The following KDR variants were observed in gnomAD, a reference collection of about 807,000 sequenced individuals.
The protein encoded by KDR is kinase insert domain receptor.
A neutral mutation model predicts 160.9 loss-of-function variants in KDR; 43 were observed. The observed-to-expected ratio is 0.27, with a 90% CI of 0.21 to 0.34. The LOEUF (loss-of-function observed/expected upper bound fraction) is 0.34, where lower values mean the gene tolerates loss of function less well. KDR is among the 10% of genes least tolerant of loss of function. KDR has a pLI of 1.00. For synonymous variants in KDR, 617 were observed against 600.1 expected, an observed-to-expected ratio of 1.03 and a Z score of -0.41; for missense variants, 1,469 against 1,666.4, an observed-to-expected ratio of 0.88 and a Z score of 2.06.
At chr4:55,106,666 A>T (rs1235558182) in intron 11 of KDR, 21 bp downstream of exon 11, 6 of 1,504,726 alleles carry the variant, frequency 4.0e-6, no homozygotes, top group Non-Finnish European at 5.5e-6. Context: ...AGATTTTCAA[A>T]TTTTAAAACT....
chr4:55,123,300 A>T (rs1720942534), intron 1 of KDR, among the ~76,000 whole-genome samples: 2 of 152,194 alleles, frequency 1.3e-5, no homozygotes, highest in African/African-American at 4.8e-5. Context: ...AATGAGAAAA[A>T]AACCATTATT....
At chr4:55,118,979 C>A (rs920276994) in intron 2 of KDR, among the ~76,000 whole-genome samples, 179 bp from the exon 3 acceptor site, 3 of 152,156 alleles carry the variant, frequency 2.0e-5, no homozygotes, top group African/African-American at 4.8e-5. Context: ...GAGGCCAAGG[C>A]GGATGGATCA....
At chr4:55,117,044 C>A (rs1578139719) in intron 3 of KDR, among the ~76,000 whole-genome samples, 1 of 152,300 alleles carries the variant, frequency 6.6e-6, no homozygotes, top group East Asian at 1.9e-4. Context: ...TATTGCCTAC[C>A]TTTCATCCAC....
At chr4:55,086,706 C>A (rs1408063022) in intron 27 of KDR, among the ~76,000 whole-genome samples, 36 of 152,190 alleles carry the variant, frequency 2.4e-4, no homozygotes. Flanking sequence ...CCCCACACGA[C>A]TCTAGAGGGC....
At chr4:55,112,241 AC>A (rs1330113495) in intron 7 of KDR, among the ~76,000 whole-genome samples, 4 of 151,708 alleles carry the variant, frequency 2.6e-5, no homozygotes, top group East Asian at 3.9e-4. Flanking sequence ...CAGCAAAACC[AC>A]CCCCTCCTCT....
Position 55,079,763 on chromosome 4 carries a change from A to C in KDR, c.*178T>G, listed in dbSNP as rs1184983374. 1.5e-6 allele frequency: 1 copy of C among 652,022 alleles called. No homozygotes were observed. The highest frequency in any genetic ancestry group is 2.8e-6 in the Non-Finnish European group (1 of 362,130). 40.4% of individuals were successfully genotyped at this position (652,022 alleles called of 1,614,324 possible). On this transcript the variant is annotated 3_prime_UTR_variant, in exon 30 of 30. Transcript: ENST00000263923. ...GAAGACACAGACACATTCTTGGGTC[A>C]CAAGCCTCTTCCAGGATATGCCTAG...
chr4:55,098,352 G>T, intron 16 of KDR, 80 bp from the exon 17 acceptor site: 1 of 1,505,902 alleles, frequency 6.6e-7, no homozygotes, highest in Non-Finnish European at 9.2e-7. Flanking sequence ...GCTGTTTATT[G>T]GAGCCTCATT....
At chr4:55,091,041 C>T (rs139275368) in intron 22 of KDR, among the ~76,000 whole-genome samples, 1 of 151,936 alleles carries the variant, frequency 6.6e-6, no homozygotes, top group African/African-American at 2.4e-5. Context: ...TTAGTAGAGA[C>T]GGGGTTTCAC....
rs1284032233 is a variant in KDR, at chr4:55,090,393, T to C, written c.3070-315A>G. On this transcript the variant is annotated intron_variant, in intron 22 of 29. Coordinates refer to ENST00000263923, the MANE Select transcript of KDR (RefSeq NM_002253.4). ...GTCACATCCACACATTCCTTTTACC[T>C]GGCCCCATATTTGGTTTAAAACGTG... Among the ~76,000 whole-genome samples, 7 of 152,332 alleles carry C rather than the reference T, an allele frequency of 4.6e-5. No individual in the cohort carries two copies. In the East Asian group the frequency reaches 1.3e-3, roughly 29 times the overall value.
chr4:55,104,477 C>T (rs1376296003), intron 13 of KDR, 166 bp downstream of exon 13: 1 of 670,420 alleles, frequency 1.5e-6, no homozygotes, highest in Non-Finnish European at 2.7e-6. Context: ...TATATCATTT[C>T]ATTATTATTA....
chr4:55,102,320 G>A, intron 14 of KDR, 42 bp downstream of exon 14: 1 of 1,599,050 alleles, frequency 6.3e-7, no homozygotes, highest in East Asian at 2.2e-5. Flanking sequence ...ACATCCCTGG[G>A]AAAGTTCTGC....
Position 55,112,822 on chromosome 4 carries a change from G to A in KDR, c.976+482C>T, listed in dbSNP as rs146162457. Among the ~76,000 whole-genome samples the A allele has an allele frequency of 3.6e-3, 551 of 152,106 alleles. 5 individuals are homozygous for A. The highest frequency in any genetic ancestry group is 0.017 in the Middle Eastern group (5 of 294). ...TGGGATTACAGGCGTGAGCCACCGC[G>A]CCCGGCCTATACATGGATTTTTGAC... On this transcript the variant is annotated intron_variant, in intron 7 of 29. Transcript: ENST00000263923.
chr4:55,116,824 AGGGAAGTAAGGTGGCGACCAGAG>A (rs764229997), intron 3 of KDR, among the ~76,000 whole-genome samples: 2 of 152,184 alleles, frequency 1.3e-5, no homozygotes, highest in Non-Finnish European at 2.9e-5. Flanking sequence ...TCAGAAGACT[AGGGAAGTAAGGTGGCGACCAGAG>A]GGGACATTAA....
Position 55,125,398 on chromosome 4 carries a change from C to A in KDR, c.-105G>T. The A allele has an allele frequency of 1.4e-6, 2 of 1,386,752 alleles. No individual in the cohort carries two copies. Among genetic ancestry groups the A allele is most frequent in the Non-Finnish European group, 2.0e-6 (2 of 1,009,588 alleles). The allele number at this position is 1,386,752 out of a possible 1,614,324, so 85.9% of individuals were successfully genotyped here. A position where few individuals can be genotyped will look rare whatever the true frequency, so the allele number is the denominator to read the frequency against. On this transcript the variant is annotated 5_prime_UTR_variant, in exon 1 of 30. Transcript: ENST00000263923. ...CGGAGGTGGAACTCGCGGCACCCCGCAGCGCAGGACAGTTGAGCGCACAGG... is the reference window on the plus strand; with the variant it reads ...CGGAGGTGGAACTCGCGGCACCCCGAAGCGCAGGACAGTTGAGCGCACAGG...
intron 17 of KDR, 102 bp from the exon 18 acceptor site, chr4:55,097,868 A>T: frequency 1.1e-6 from 1 of 891,702 alleles, no homozygotes; most frequent in East Asian, 2.5e-5. Context: ...ATACATCCCA[A>T]TTTAACATGG....
In KDR at chr4:55,121,261, C is replaced by T. The variant is rs911337814; in HGVS notation, c.68-71G>A. ...CCTAATAGGAAACACCTTCCATAAACAATGCATACTCTATACTTTAAAAGG... is the reference window on the plus strand; with the variant it reads ...CCTAATAGGAAACACCTTCCATAAATAATGCATACTCTATACTTTAAAAGG... On this transcript the variant is annotated intron_variant, in intron 1 of 29. Coordinates refer to ENST00000263923, the MANE Select transcript of KDR (RefSeq NM_002253.4). 2.9e-5 allele frequency: 29 copies of T among 1,014,764 alleles called. 2 individuals carry two copies. Among genetic ancestry groups the T allele is most frequent in the South Asian group, 2.5e-4 (20 of 78,592 alleles). The allele number at this position is 1,014,764 out of a possible 1,614,324, so 62.9% of individuals were successfully genotyped here.
intron 27 of KDR, among the ~76,000 whole-genome samples, chr4:55,085,470 G>C (rs975052511): frequency 7.2e-5 from 11 of 152,210 alleles, no homozygotes; most frequent in African/African-American, 2.7e-4. Flanking sequence ...AAATGCGTAA[G>C]AGGATAGAAC....
intron 27 of KDR, among the ~76,000 whole-genome samples, chr4:55,084,423 T>C (rs1199118449): frequency 1.3e-5 from 2 of 152,210 alleles, no homozygotes; most frequent in African/African-American, 4.8e-5. Flanking sequence ...CAACTAGGGT[T>C]GGCGAGTTTG....
At chr4:55,089,093 C>T in intron 25 of KDR, 120 bp from the exon 26 acceptor site, 1 of 784,092 alleles carries the variant, frequency 1.3e-6, no homozygotes, top group African/African-American at 1.7e-5. Flanking sequence ...AATAAGGATA[C>T]AAAACTGTGT....
Sources: allele counts gnomAD v4.1 joint callset (sites outside exome capture counted in the v4.1 genomes callset), GRCh38; gene constraint gnomAD v4.1.1; transcripts MANE v1.5; gene names NCBI Gene and HGNC (gene_info 2026-07-23, HGNC 2026-07-21).